Variants in ESR2 observed in about 807,000 individuals in gnomAD.
ESR2 encodes the protein estrogen receptor beta.
Under a neutral mutation model 49.6 loss-of-function variants are expected in ESR2, and 36 were observed. The ratio of observed to expected loss-of-function variants is 0.73; its 90% confidence interval spans 0.56 to 0.96. The LOEUF (loss-of-function observed/expected upper bound fraction) is 0.96. ESR2 is among the 40% of genes least tolerant of loss of function. ESR2 has a pLI of 0.00. For synonymous variants in ESR2, 320 were observed against 266.1 expected (o/e 1.20, Z -1.97); for missense variants, 714 against 693.0 (o/e 1.03, Z -0.34).
At chr14:64,327,721 T>C (rs2077407136) in intron 1 of ESR2, among the ~76,000 whole-genome samples, 1 of 147,688 alleles carries the variant, frequency 6.8e-6, no homozygotes, top group Non-Finnish European at 1.5e-5. Context: ...ACACAAAAAT[T>C]AGCTGGGTAT....
intron 1 of ESR2, chr14:64,303,800 T>C (rs2077057189): frequency 6.6e-6 from 1 of 152,242 alleles, no homozygotes; most frequent in Non-Finnish European, 1.5e-5. Flanking sequence ...TCAGCATTTA[T>C]GATTTGCTTA....
intron 6 of ESR2, among the ~76,000 whole-genome samples, chr14:64,252,750 G>T (rs1401858641): frequency 6.6e-6 from 1 of 152,122 alleles, no homozygotes; most frequent in Non-Finnish European, 1.5e-5. Flanking sequence ...CCATCCCCAT[G>T]ATCCAATCAC....
chr14:64,321,132 C>T (rs1431104853), intron 1 of ESR2, among the ~76,000 whole-genome samples: 1 of 151,910 alleles, frequency 6.6e-6, no homozygotes, highest in African/African-American at 2.4e-5. Flanking sequence ...CTGATGAATG[C>T]TACAACATAG....
At chr14:64,246,388 A>G (rs77622571) in intron 7 of ESR2, among the ~76,000 whole-genome samples, 2 of 151,958 alleles carry the variant, frequency 1.3e-5, no homozygotes, top group East Asian at 3.9e-4. Context: ...CCTTCCTGGC[A>G]CCTTGTGAAG....
chr14:64,251,307 CAAA>C (rs11297817), intron 6 of ESR2, among the ~76,000 whole-genome samples: 11 of 124,422 alleles, frequency 8.8e-5, no homozygotes, highest in Non-Finnish European at 8.8e-5. Flanking sequence ...CTCTATGGGG[CAAA>C]AAAAAAAAAA....
At chr14:64,311,240 T>C (rs961674350) in intron 1 of ESR2, among the ~76,000 whole-genome samples, 5 of 152,216 alleles carry the variant, frequency 3.3e-5, no homozygotes, top group African/African-American at 1.2e-4. Flanking sequence ...GGAGAACTTA[T>C]ATTACTTTAC....
intron 1 of ESR2, among the ~76,000 whole-genome samples, chr14:64,290,618 G>T (rs2076856415): frequency 6.6e-6 from 1 of 150,508 alleles, no homozygotes; most frequent in South Asian, 2.1e-4. Context: ...GGCCAGGCTG[G>T]TCTTGAACTC....
At position 64,233,212 on chromosome 14, in the gene ESR2, G is replaced by A. The variant is rs1211015473; in HGVS notation, c.1518C>T (p.Ser506=). Residue 506 remains serine, a synonymous_variant, in exon 9 of 9, where the codon TCC becomes TCT. Transcript: ENST00000341099. ...NAHVLRGCKS[S]ITGSECSPAE... ...CCGGGCTGCACTCGGACCCCGTGAT[G>A]GAGGACTTGCACCCGCGAAGCACGT... 2 of 1,614,184 alleles carry A rather than the reference G, an allele frequency of 1.2e-6. No individual in the cohort carries two copies. The highest frequency in any genetic ancestry group is 2.2e-5 in the East Asian group (1 of 44,886).
At chr14:64,310,284 A>G (rs1034146129) in intron 1 of ESR2, among the ~76,000 whole-genome samples, 1 of 128,140 alleles carries the variant, frequency 7.8e-6, no homozygotes, top group African/African-American at 3.1e-5. Context: ...CGTCGTCTCA[A>G]AAAATAATAA....
In ESR2 at chr14:64,228,530, A is replaced by G. The variant is rs576953065; in HGVS notation, c.*4607T>C. Among the ~76,000 whole-genome samples the G allele has an allele frequency of 1.3e-5, 2 of 152,354 alleles. No individual in the cohort carries two copies. Among genetic ancestry groups the G allele is most frequent in the South Asian group, 4.1e-4 (2 of 4,826 alleles). On this transcript the variant is annotated 3_prime_UTR_variant, in exon 9 of 9. Coordinates refer to ENST00000341099, the MANE Select transcript of ESR2 (RefSeq NM_001437.3). ...GAAGTCAACAAATTAGTGTAATGAT[A>G]CAAAGCATTCGTCTGAGAAAATGGC...
intron 1 of ESR2, among the ~76,000 whole-genome samples, chr14:64,308,103 C>T (rs1295654213): frequency 6.6e-6 from 1 of 152,010 alleles, no homozygotes; most frequent in East Asian, 1.9e-4. Context: ...CAGCCTCAAC[C>T]TCCCAGGCTC....
At chr14:64,238,065 ATAATAG>A (rs1199772563) in intron 7 of ESR2, among the ~76,000 whole-genome samples, 1 of 152,252 alleles carries the variant, frequency 6.6e-6, no homozygotes, top group Non-Finnish European at 1.5e-5. Context: ...GTTACTAAAA[ATAATAG>A]TAATAATAAT....
chr14:64,268,386 C>A (rs1244703687), intron 4 of ESR2, among the ~76,000 whole-genome samples: 1 of 152,182 alleles, frequency 6.6e-6, no homozygotes, highest in Admixed American at 6.5e-5. Context: ...AGATATCCTA[C>A]TTTTTTGTCA....
chr14:64,249,818 G>A, intron 6 of ESR2, 139 bp from the exon 7 acceptor site: 2 of 798,300 alleles, frequency 2.5e-6, no homozygotes, highest in Admixed American at 3.0e-5. Context: ...CTACAACAGG[G>A]TGTTAATGAG....
At chr14:64,274,015 C>A (rs942059068) in intron 3 of ESR2, among the ~76,000 whole-genome samples, 3 of 149,654 alleles carry the variant, frequency 2.0e-5, no homozygotes, top group African/African-American at 7.4e-5. Flanking sequence ...TCTTGTCTTA[C>A]CACAGTCTTG....
At chr14:64,241,857 T>C (rs1332046183) in intron 7 of ESR2, among the ~76,000 whole-genome samples, 1 of 152,254 alleles carries the variant, frequency 6.6e-6, no homozygotes, top group Non-Finnish European at 1.5e-5. Flanking sequence ...GACTTTCACT[T>C]CTACCTTTCC....
In ESR2 at chr14:64,233,320, G is replaced by C; in HGVS notation, c.1410C>G (p.Asn470Lys). The change falls in exon 9 of 9, where the codon AAC (asparagine) becomes AAG (lysine). Residue 470 changes from asparagine (N) to lysine (K), a missense_variant. Asn to Lys is a moderately conservative substitution (Grantham distance 94). Coordinates refer to ENST00000341099, the MANE Select transcript of ESR2 (RefSeq NM_001437.3). ...TGTTGAGCAGATGTTCCATGCCCTT[G>C]TTACTATGGGGACAAAAAGGTGCTG... ...MLLSHVRHAS[N>K]KGMEHLLNMK... 6.2e-7 allele frequency: 1 copy of C among 1,609,346 alleles called. No homozygotes were observed. The highest frequency in any genetic ancestry group is 8.5e-7 in the Non-Finnish European group (1 of 1,175,938).
rs1233751399 is a variant in ESR2 at position 64,260,581 on chromosome 14, C to G, written c.820G>C (p.Glu274Gln). 6.2e-7 allele frequency: 1 copy of G among 1,608,046 alleles called. No homozygotes were observed. Among genetic ancestry groups the G allele is most frequent in the Non-Finnish European group, 8.5e-7 (1 of 1,176,622 alleles). ...SPEQLVLTLL[E>Q]AEPPHVLISR... is the part of the protein sequence containing the mutation. ...ATCAGCACATGGGGCGGCTCAGCCT[C>G]CAGGAGGGTGAGCACTAGCTGCTCG... Residue 274 changes from glutamate to glutamine, a missense_variant, in exon 5 of 9, where the codon GAG (glutamate) becomes CAG (glutamine). Physicochemically the swap from Glu to Gln is conservative, Grantham distance 29. Transcript: ENST00000341099.
intron 5 of ESR2, among the ~76,000 whole-genome samples, chr14:64,259,281 C>A (rs1235191085): frequency 6.6e-6 from 1 of 152,230 alleles, no homozygotes; most frequent in Non-Finnish European, 1.5e-5. Flanking sequence ...CCAAATGATA[C>A]TGTCACCATA....
Sources: allele counts gnomAD v4.1 joint callset (sites outside exome capture counted in the v4.1 genomes callset), GRCh38; gene constraint gnomAD v4.1.1; transcripts MANE v1.5; gene names NCBI Gene and HGNC (gene_info 2026-07-23, HGNC 2026-07-21).